The following ARHGAP24 variants were observed in gnomAD, a reference collection of about 807,000 sequenced individuals.
The protein encoded by ARHGAP24 is rho GTPase-activating protein 24.
Under a neutral mutation model 76.4 loss-of-function variants are expected in ARHGAP24, and 50 were observed. The observed-to-expected ratio is 0.65, with a 90% confidence interval of 0.52 to 0.83. The LOEUF (loss-of-function observed/expected upper bound fraction) is 0.83. Ranked by LOEUF, ARHGAP24 falls within the 40% of genes least tolerant of loss-of-function variation. The pLI, the probability that ARHGAP24 is intolerant of heterozygous loss-of-function variation, is 0.00. For missense variants in ARHGAP24, 930 were observed against 914.2 expected (o/e 1.02, Z -0.22); for synonymous variants, 345 against 323.3 (o/e 1.07, Z -0.72).
chr4:85,621,832 C>A (rs1197415191), intron 2 of ARHGAP24, among the ~76,000 whole-genome samples: 1 of 152,094 alleles, frequency 6.6e-6, no homozygotes, highest in Non-Finnish European at 1.5e-5. Context: ...GTCATAAATT[C>A]TTTGCCTAGG....
intron 3 of ARHGAP24, among the ~76,000 whole-genome samples, chr4:85,890,496 C>T (rs1421141072): frequency 6.6e-6 from 1 of 152,150 alleles, no homozygotes; most frequent in Non-Finnish European, 1.5e-5. Context: ...AACATAACCA[C>T]AGAGGGAAAA....
chr4:85,772,169 T>C (rs998905771), intron 3 of ARHGAP24, among the ~76,000 whole-genome samples: 1 of 152,240 alleles, frequency 6.6e-6, no homozygotes, highest in Non-Finnish European at 1.5e-5. Flanking sequence ...CTAAAGCCCG[T>C]GACCTCGTTC....
At chr4:85,818,175 C>T (rs1250596172) in intron 3 of ARHGAP24, among the ~76,000 whole-genome samples, 2 of 152,118 alleles carry the variant, frequency 1.3e-5, no homozygotes, top group African/African-American at 2.4e-5. Flanking sequence ...AGAATAATCT[C>T]TCTAATAATG....
intron 3 of ARHGAP24, among the ~76,000 whole-genome samples, chr4:85,832,927 G>A (rs1014988004): frequency 6.6e-6 from 1 of 152,152 alleles, no homozygotes; most frequent in Non-Finnish European, 1.5e-5. Context: ...AGAGGTGTCC[G>A]AGGTGGGCCT....
intron 5 of ARHGAP24, 31 bp from the exon 6 acceptor site, chr4:85,972,005 A>C: frequency 1.2e-6 from 2 of 1,613,930 alleles, no homozygotes; most frequent in Non-Finnish European, 1.7e-6. Flanking sequence ...AGTTTACTCC[A>C]AAGAATATCT....
chr4:85,943,335 GA>G (rs761550990), intron 5 of ARHGAP24, among the ~76,000 whole-genome samples: 241 of 152,244 alleles, frequency 1.6e-3, no homozygotes, highest in Middle Eastern at 3.4e-3. Flanking sequence ...CTGGATTCTG[GA>G]AAATAACAGT....
chr4:85,823,837 A>C (rs1729583572), intron 3 of ARHGAP24, among the ~76,000 whole-genome samples: 2 of 149,360 alleles, frequency 1.3e-5, no homozygotes, highest in East Asian at 2.0e-4. Context: ...CTTCTTCCCT[A>C]GCTCCCTCCC....
chr4:85,824,591 G>A lies in ARHGAP24; in HGVS notation c.269-99057G>A, dbSNP rs75183952. ...ATTCTCCTCACTGATTGCAAATGTC[G>A]ACCAATTCTTCTGGATGCTTTCTTC... is the stretch of plus-strand genomic sequence containing the variant. On this transcript the variant is annotated intron_variant, in intron 3 of 9. Coordinates refer to ENST00000395184, the MANE Select transcript of ARHGAP24 (RefSeq NM_001025616.3). Among the ~76,000 whole-genome samples, 1,517 of 152,164 alleles carry A rather than the reference G, an allele frequency of 1.0e-2. 15 individuals carry two copies. The highest frequency in any genetic ancestry group is 0.016 in the African/African-American group (659 of 41,492).
intron 3 of ARHGAP24, among the ~76,000 whole-genome samples, chr4:85,891,427 T>A (rs1166589584): frequency 1.8e-5 from 2 of 113,532 alleles, no homozygotes; most frequent in Non-Finnish European, 3.6e-5. Flanking sequence ...AGGGCATCCC[T>A]GTCTTGTGCC....
chr4:85,872,063 A>G (rs865900629), intron 3 of ARHGAP24, among the ~76,000 whole-genome samples: 1 of 151,824 alleles, frequency 6.6e-6, no homozygotes, highest in Non-Finnish European at 1.5e-5. Flanking sequence ...AGTAAGAACT[A>G]TAAAAATATT....
intron 2 of ARHGAP24, among the ~76,000 whole-genome samples, chr4:85,616,446 C>T (rs556446323): frequency 3.3e-5 from 5 of 152,274 alleles, no homozygotes; most frequent in African/African-American, 1.2e-4. Flanking sequence ...ATTTTAGACA[C>T]TTCTAATATT....
At chr4:85,703,105 T>TA (rs910561231) in intron 2 of ARHGAP24, among the ~76,000 whole-genome samples, 3 of 152,134 alleles carry the variant, frequency 2.0e-5, no homozygotes, top group African/African-American at 7.2e-5. Flanking sequence ...TCATTGTTGA[T>TA]AAAAATGAGG....
intron 2 of ARHGAP24, among the ~76,000 whole-genome samples, chr4:85,693,518 G>T (rs1723749983): frequency 6.6e-6 from 1 of 152,200 alleles, no homozygotes; most frequent in South Asian, 2.1e-4. Flanking sequence ...GCATGCTACA[G>T]CCCTGGGGCA....
At chr4:85,957,777 T>TA (rs1738004995) in intron 5 of ARHGAP24, among the ~76,000 whole-genome samples, 1 of 152,204 alleles carries the variant, frequency 6.6e-6, no homozygotes, top group South Asian at 2.1e-4. Context: ...TAACAGGCTT[T>TA]AAGGAAAAAT....
chr4:85,977,325 A>G (rs1367408101), intron 7 of ARHGAP24, among the ~76,000 whole-genome samples: 1 of 152,162 alleles, frequency 6.6e-6, no homozygotes, highest in African/African-American at 2.4e-5. Context: ...CCTTTGATTG[A>G]CAGAGGAAAT....
chr4:85,941,482 T>C (rs1736942714), intron 4 of ARHGAP24, among the ~76,000 whole-genome samples: 2 of 152,212 alleles, frequency 1.3e-5, no homozygotes, highest in South Asian at 4.1e-4. Flanking sequence ...TTTTTCACTT[T>C]CAAATAAGTT....
chr4:85,528,108 C>T (rs1051982077), intron 1 of ARHGAP24, among the ~76,000 whole-genome samples: 2 of 151,812 alleles, frequency 1.3e-5, no homozygotes, highest in Non-Finnish European at 1.5e-5. Context: ...CCTAACCCTG[C>T]GAGAGCTGAA....
At chr4:85,646,102 TTGTC>T (rs1721712696) in intron 2 of ARHGAP24, among the ~76,000 whole-genome samples, 2 of 152,128 alleles carry the variant, frequency 1.3e-5, no homozygotes. Context: ...AAAGCTTACA[TTGTC>T]TGTGAGATGC....
rs759877019 is a variant in ARHGAP24 at position 85,827,918 on chromosome 4, C to T, written c.269-95730C>T. 22 of 1,289,592 alleles carry T rather than the reference C, an allele frequency of 1.7e-5. No individual in the cohort carries two copies. In the South Asian group the frequency reaches 2.7e-4, roughly 16 times the overall value. 79.9% of individuals were successfully genotyped at this position (1,289,592 alleles called of 1,614,324 possible). A position where few individuals can be genotyped will look rare whatever the true frequency, so the allele number is the denominator to read the frequency against. On this transcript the variant is annotated intron_variant, in intron 3 of 9. Transcript: ENST00000395184. ...AGGACAGAGCAGCTGCTCTGTCTCCCAGCTTGCAAGTGCAGCCTGCATTTG... is the reference window on the plus strand; with the variant it reads ...AGGACAGAGCAGCTGCTCTGTCTCCTAGCTTGCAAGTGCAGCCTGCATTTG...
Sources: gnomAD v4.1 joint callset for allele counts (sites outside exome capture counted in the v4.1 genomes callset) on GRCh38, gnomAD v4.1.1 for gene constraint, MANE v1.5 for transcripts, NCBI Gene and HGNC (gene_info 2026-07-23, HGNC 2026-07-21) for gene names.